KIF6: variants seen among roughly 807,000 people sequenced by gnomAD.
The protein encoded by KIF6 is kinesin family member 6, also known as kinesin-like protein KIF6.
Under a neutral mutation model 112.7 loss-of-function variants are expected in KIF6, and 106 were observed. The ratio of observed to expected loss-of-function variants is 0.94; its 90% CI spans 0.80 to 1.11. KIF6 has a LOEUF of 1.11. Among genes scored for constraint, KIF6 ranks in the 50% least tolerant of loss-of-function variants. The pLI is 0.00. For synonymous variants in KIF6, 339 were observed against 339.9 expected, an observed-to-expected ratio of 1.00 and a Z score of 0.03; for missense variants, 929 against 964.0, an observed-to-expected ratio of 0.96 and a Z score of 0.48.
At chr6:39,575,418 C>T (rs374423952) in intron 10 of KIF6, among the ~76,000 whole-genome samples, 6 of 151,844 alleles carry the variant, frequency 4.0e-5, no homozygotes, top group Non-Finnish European at 8.8e-5. Flanking sequence ...CTACAGGCGC[C>T]CGCCACCACA....
At chr6:39,677,938 G>A (rs1355292151) in intron 3 of KIF6, among the ~76,000 whole-genome samples, 1 of 146,310 alleles carries the variant, frequency 6.8e-6, no homozygotes, top group Non-Finnish European at 1.5e-5. Flanking sequence ...ATCATTGTTG[G>A]ACATTTGGGT....
rs1353768619 is a variant in KIF6 at position 39,343,394 on chromosome 6, G to C, written c.2428+315C>G. The C allele has an allele frequency of 7.4e-7, 1 of 1,343,370 alleles. No homozygotes were observed. The highest frequency in any genetic ancestry group is 9.8e-7 in the Non-Finnish European group (1 of 1,024,350). The allele number at this position is 1,343,370 out of a possible 1,614,324, so 83.2% of individuals were successfully genotyped here. On this transcript the variant is annotated intron_variant, in intron 22 of 22. Transcript: ENST00000287152. This position sits in a 1 kb window ranked among gnomAD's most constrained non-coding sequence, Gnocchi z 4.1. The stretch of plus-strand genomic sequence containing the variant: ...CCTGTTTGTAGAAGCCTGAGCAGAG[G>C]AGACAGCTGACTTTGGGAACAGAGA...
chr6:39,578,329 A>ATTT (rs35778593), intron 9 of KIF6, among the ~76,000 whole-genome samples, 170 bp from the exon 10 acceptor site: 1,604 of 125,148 alleles, frequency 0.013, 76 homozygotes, highest in African/African-American at 0.046. Context: ...ATAGTTCTAG[A>ATTT]TTTTTTTTTT....
intron 13 of KIF6, among the ~76,000 whole-genome samples, chr6:39,526,261 C>T (rs965527101): frequency 3.3e-5 from 5 of 152,194 alleles, no homozygotes; most frequent in Admixed American, 6.5e-5. Context: ...CTCTTTGATG[C>T]CTCTGGTTTG....
At chr6:39,604,293 T>C (rs184101044) in intron 6 of KIF6, among the ~76,000 whole-genome samples, 53 of 152,292 alleles carry the variant, frequency 3.5e-4, no homozygotes, top group African/African-American at 9.9e-4. Context: ...TGATTCTTTA[T>C]ATAGTTCTTC....
intron 22 of KIF6, among the ~76,000 whole-genome samples, chr6:39,340,398 A>G (rs1294212045): frequency 6.6e-6 from 1 of 152,196 alleles, no homozygotes; most frequent in East Asian, 1.9e-4. Context: ...AACTCCTGAC[A>G]GCAGAGTGGG....
chr6:39,346,483 C>T lies in KIF6; in HGVS notation c.2224G>A (p.Asp742Asn), dbSNP rs532132719. The T allele has an allele frequency of 1.8e-5, 13 of 716,010 alleles. No individual in the cohort carries two copies. The highest frequency in any genetic ancestry group is 7.0e-5 in the African/African-American group (4 of 57,264). 44.4% of individuals were successfully genotyped at this position (716,010 alleles called of 1,614,324 possible). ...EVQDQGTGRFDVCDVNARKIL... is the reference protein window; with the variant it reads ...EVQDQGTGRFNVCDVNARKIL... Reference sequence around the variant, plus strand: ...CGGGAAGGGGGTCCTCACCAGACATCGAATCTGCCAGTGCCTTGATCTTGG... The same window carrying T: ...CGGGAAGGGGGTCCTCACCAGACATTGAATCTGCCAGTGCCTTGATCTTGG... The change falls in exon 20 of 23, where the codon GAT (aspartate) becomes AAT (asparagine). Residue 742 changes from aspartate to asparagine, a missense_variant. Asp to Asn is a conservative substitution (Grantham distance 23). Coordinates refer to ENST00000287152, the MANE Select transcript of KIF6 (RefSeq NM_145027.6).
chr6:39,640,696 A>C (rs1481675053), intron 3 of KIF6, among the ~76,000 whole-genome samples: 1 of 152,074 alleles, frequency 6.6e-6, no homozygotes, highest in Non-Finnish European at 1.5e-5. Flanking sequence ...ATATGCTTTC[A>C]TGCCTGTGTG....
intron 13 of KIF6, among the ~76,000 whole-genome samples, chr6:39,448,178 T>C (rs1046973549): frequency 6.6e-6 from 1 of 152,146 alleles, no homozygotes; most frequent in Non-Finnish European, 1.5e-5. Flanking sequence ...GTACATTTTA[T>C]TAATTTTTTT....
At chr6:39,556,792 C>T (rs1196172061) in intron 10 of KIF6, among the ~76,000 whole-genome samples, 1 of 152,134 alleles carries the variant, frequency 6.6e-6, no homozygotes, top group Non-Finnish European at 1.5e-5. Flanking sequence ...GCTAGCCCTA[C>T]CAAAGCTATT....
At chr6:39,622,831 A>G (rs1783902321) in intron 5 of KIF6, among the ~76,000 whole-genome samples, 1 of 152,198 alleles carries the variant, frequency 6.6e-6, no homozygotes, top group Admixed American at 6.5e-5. Flanking sequence ...GCCATTTTGC[A>G]TGATGACTAA....
At chr6:39,482,040 A>ACACACACACACC (rs926486343) in intron 13 of KIF6, among the ~76,000 whole-genome samples, 16 of 147,782 alleles carry the variant, frequency 1.1e-4, no homozygotes, top group African/African-American at 3.8e-4. Context: ...ACACACACAC[A>ACACACACACACC]CCCCACTGGG....
At chr6:39,595,101 G>A (rs1174159119) in intron 7 of KIF6, among the ~76,000 whole-genome samples, 1 of 152,112 alleles carries the variant, frequency 6.6e-6, no homozygotes, top group African/African-American at 2.4e-5. Context: ...AAGTAGGAAG[G>A]GAAAGCTACA....
chr6:39,630,721 G>A (rs1291033893), intron 5 of KIF6, among the ~76,000 whole-genome samples: 1 of 151,996 alleles, frequency 6.6e-6, no homozygotes, highest in Non-Finnish European at 1.5e-5. Context: ...TTGAATTAGA[G>A]TGGTGAGAGG....
rs559114018 is a variant in KIF6 at position 39,520,120 on chromosome 6, C to T, written c.1645+19883G>A. Among the ~76,000 whole-genome samples the T allele has an allele frequency of 1.4e-4, 21 of 152,206 alleles. 1 individual carries two copies. The South Asian group carries it at 2.3e-3, about 17-fold the overall frequency. On this transcript the variant is annotated intron_variant, in intron 13 of 22. Coordinates refer to ENST00000287152, the MANE Select transcript of KIF6 (RefSeq NM_145027.6). ...CATATAGACTTCCCTATTCCTCTTC[C>T]GGAGCAGTTTCTTATATACTAGCTA...
At position 39,725,357 on chromosome 6, in the gene KIF6, C is replaced by G. The variant is rs750102085; in HGVS notation, c.-47G>C. 6 of 1,526,854 alleles carry G rather than the reference C, an allele frequency of 3.9e-6. No individual in the cohort carries two copies. The highest frequency in any genetic ancestry group is 5.4e-6 in the Non-Finnish European group (6 of 1,112,482). The allele number at this position is 1,526,854 out of a possible 1,614,324, so 94.6% of individuals were successfully genotyped here. On this transcript the variant is annotated 5_prime_UTR_variant, in exon 1 of 23. Coordinates refer to ENST00000287152, the MANE Select transcript of KIF6 (RefSeq NM_145027.6). ...ACCCTTGACCTCTCTCAGGCCCGGG[C>G]TGCCAAAACTAACTCCCACCACCTC...
In KIF6 at chr6:39,619,446, T is replaced by A. The variant is rs79387725; in HGVS notation, c.510-6128A>T. On this transcript the variant is annotated intron_variant, in intron 5 of 22. Transcript: ENST00000287152. ...GGCAATCTGTAAATGATTTATTCCC[T>A]GTCTGAAGAGGAACAGAATTGAAAT... Among the ~76,000 whole-genome samples, 751 of 152,308 alleles carry A rather than the reference T, an allele frequency of 4.9e-3. 6 individuals carry two copies. The highest frequency in any genetic ancestry group is 0.017 in the African/African-American group (697 of 41,568).
intron 15 of KIF6, among the ~76,000 whole-genome samples, chr6:39,396,074 C>T (rs968617490): frequency 6.6e-6 from 1 of 152,212 alleles, no homozygotes; most frequent in Admixed American, 6.5e-5. Flanking sequence ...GCTGGACAAA[C>T]TTCCAGCTGG....
chr6:39,419,474 C>T (rs1770189050), intron 15 of KIF6, among the ~76,000 whole-genome samples: 1 of 152,100 alleles, frequency 6.6e-6, no homozygotes, highest in South Asian at 2.1e-4. Context: ...CAGCCTCCAC[C>T]TTGGGAAGGC....
Sources: allele counts gnomAD v4.1 joint callset (sites outside exome capture counted in the v4.1 genomes callset), GRCh38; gene constraint gnomAD v4.1.1; non-coding constraint Gnocchi (gnomAD v3.1); transcripts MANE v1.5; gene names NCBI Gene and HGNC (gene_info 2026-07-23, HGNC 2026-07-21).